Variants in MDN1 observed in about 807,000 individuals in gnomAD.
MDN1 encodes midasin.
In MDN1, 266 loss-of-function variants were observed where a neutral mutation model predicts 669.2. That is an observed-to-expected ratio of 0.40 (90% CI 0.36 to 0.44). The LOEUF (loss-of-function observed/expected upper bound fraction) is 0.44, where lower values mean the gene tolerates loss of function less well. Ranked by LOEUF, MDN1 falls within the 20% of genes least tolerant of loss-of-function variation. MDN1 has a pLI of 1.00. For synonymous variants in MDN1, 2,385 were observed against 2,457.1 expected, an observed-to-expected ratio of 0.97 and a Z score of 0.87; for missense variants, 5,940 against 6,754.0, an observed-to-expected ratio of 0.88 and a Z score of 4.22.
In MDN1 at chr6:89,685,909, C is replaced by A. The variant is rs1461014826; in HGVS notation, c.11637G>T (p.Ser3879=). 25 of 1,613,964 alleles carry A rather than the reference C, an allele frequency of 1.5e-5. No homozygotes were observed. Among genetic ancestry groups the A allele is most frequent in the Non-Finnish European group, 1.9e-5 (22 of 1,180,004 alleles). Residue 3879 remains serine, a synonymous_variant, in exon 70 of 102, where the codon TCG becomes TCT. Transcript: ENST00000369393. ...GAAGTCGCACATGGAACTCTCCCAG[C>A]GAGGATCCTTCAATAAATGCTTGTA... The part of the protein sequence containing the change: ...STLQAFIEGS[S]LGEFHVRLQM...
At chr6:89,722,587 G>A (rs925610606) in intron 40 of MDN1, among the ~76,000 whole-genome samples, 3 of 152,184 alleles carry the variant, frequency 2.0e-5, no homozygotes, top group Non-Finnish European at 4.4e-5. Context: ...GGTGGCTCAC[G>A]CCTGTAATCC....
At chr6:89,717,922 C>T (rs2128313007) in intron 43 of MDN1, among the ~76,000 whole-genome samples, 1 of 152,296 alleles carries the variant, frequency 6.6e-6, no homozygotes, top group South Asian at 2.1e-4. Context: ...AGTGGCACCA[C>T]AAAATGAGAG....
chr6:89,759,949 G>T (rs1584329629), intron 17 of MDN1, among the ~76,000 whole-genome samples: 3 of 149,454 alleles, frequency 2.0e-5, no homozygotes, highest in East Asian at 2.0e-4. Flanking sequence ...GCACACACCT[G>T]TAATCCCAGC....
At chr6:89,758,462 G>A in intron 18 of MDN1, 111 bp from the exon 19 acceptor site, 1 of 855,636 alleles carries the variant, frequency 1.2e-6, no homozygotes, top group Non-Finnish European at 1.8e-6. Context: ...TGTCTTTTCT[G>A]AAACCCCACT....
intron 18 of MDN1, 88 bp from the exon 19 acceptor site, chr6:89,758,439 C>G: frequency 9.6e-7 from 1 of 1,046,502 alleles, no homozygotes; most frequent in African/African-American, 1.6e-5. Context: ...ATGCTGGCTG[C>G]TCACACCATC....
chr6:89,699,223 A>G (rs901349730), intron 58 of MDN1, among the ~76,000 whole-genome samples, 188 bp from the exon 59 acceptor site: 13 of 152,194 alleles, frequency 8.5e-5, no homozygotes, highest in Non-Finnish European at 1.8e-4. Context: ...TTTTATTTAA[A>G]GCTGTACTAA....
intron 1 of MDN1, among the ~76,000 whole-genome samples, chr6:89,819,264 TGA>T (rs1416604344): frequency 6.6e-6 from 1 of 152,010 alleles, no homozygotes; most frequent in African/African-American, 2.4e-5. Flanking sequence ...TGCATAGGGG[TGA>T]GAGGCGATGG....
intron 88 of MDN1, among the ~76,000 whole-genome samples, chr6:89,661,180 G>C (rs1809735285): frequency 6.6e-6 from 1 of 152,188 alleles, no homozygotes; most frequent in Non-Finnish European, 1.5e-5. Context: ...CACCACCAGG[G>C]CATAGCAGTG....
At chr6:89,725,133 C>A in intron 38 of MDN1, 66 bp downstream of exon 38, 2 of 1,437,254 alleles carry the variant, frequency 1.4e-6, no homozygotes, top group Admixed American at 3.4e-5. Context: ...TCCTTAAAGG[C>A]TTCATAATAG....
chr6:89,734,692 A>AGAGG (rs1815831880), intron 33 of MDN1, among the ~76,000 whole-genome samples: 1 of 103,162 alleles, frequency 9.7e-6, no homozygotes, highest in Admixed American at 9.8e-5. Flanking sequence ...AAAAAAAACA[A>AGAGG]GAGAGAGAGA....
intron 63 of MDN1, among the ~76,000 whole-genome samples, chr6:89,691,829 C>T (rs1019722959): frequency 1.1e-4 from 16 of 152,194 alleles, no homozygotes; most frequent in African/African-American, 3.6e-4. Flanking sequence ...TTAGAATCTA[C>T]CTTAACCGGA....
At chr6:89,780,068 CA>C (rs369893122) in intron 11 of MDN1, 143 bp downstream of exon 11, 11,005 of 362,802 alleles carry the variant, frequency 0.03, no homozygotes, top group South Asian at 0.048. Context: ...GACTTCGTCT[CA>C]AAAAAAAAAA....
Position 89,783,258 on chromosome 6 carries a change from C to A in MDN1, c.1450-1666G>T, listed in dbSNP as rs150555712. On this transcript the variant is annotated intron_variant, in intron 9 of 101. Transcript: ENST00000369393. ...GCAAGGAATATTAATATTAATACCC[C>A]GGGAAAGGAATGCATTCCCGGGGGG... Among the ~76,000 whole-genome samples, 880 of 152,128 alleles carry A rather than the reference C, an allele frequency of 5.8e-3. 10 individuals are homozygous for A. Among genetic ancestry groups the A allele is most frequent in the African/African-American group, 0.02 (836 of 41,488 alleles).
intron 19 of MDN1, among the ~76,000 whole-genome samples, chr6:89,757,425 G>A (rs1436275697): frequency 6.6e-6 from 1 of 152,190 alleles, no homozygotes; most frequent in African/African-American, 2.4e-5. Context: ...CCTGAGGAAG[G>A]AAAGATTTTT....
Position 89,781,598 on chromosome 6 carries a change from A to G in MDN1, c.1450-6T>C, listed in dbSNP as rs368328446. On this transcript the variant is annotated splice_region_variant and splice_polypyrimidine_tract_variant and intron_variant, in intron 9 of 101. Transcript: ENST00000369393. Reference sequence around the variant, plus strand: ...GGATATCTGCTCTGAAGAACCTGACAGAGGGGGAAAAAAAAGAAAATTTAA... The same window carrying G: ...GGATATCTGCTCTGAAGAACCTGACGGAGGGGGAAAAAAAAGAAAATTTAA... 5.2e-6 allele frequency: 8 copies of G among 1,551,724 alleles called. No individual in the cohort carries two copies. In the African/African-American group the frequency reaches 9.7e-5, roughly 19 times the overall value.
chr6:89,696,417 T>C lies in MDN1; in HGVS notation c.9326A>G (p.Gln3109Arg). 3 of 1,614,192 alleles carry C rather than the reference T, an allele frequency of 1.9e-6. No individual in the cohort carries two copies. Among genetic ancestry groups the C allele is most frequent in the Non-Finnish European group, 2.5e-6 (3 of 1,180,026 alleles). The part of the protein sequence containing the change: ...GEWVERTQQL[Q>R]DISSMLWTNM... ...AGTCCAAAGCATCGAACTGATGTCC[T>C]GGAGCTGCTGAGTTCTCTCAACCCA... Residue 3109 changes from glutamine to arginine, a missense_variant, in exon 60 of 102, where the codon CAG (glutamine) becomes CGG (arginine). Physicochemically the swap from Gln to Arg is conservative, Grantham distance 43. This residue lies in a region of MDN1 where 2,292 missense variants were observed against 2,638.3 expected (regional missense o/e 0.87). Transcript: ENST00000369393.
At chr6:89,677,533 T>TATA (rs1422690839) in intron 76 of MDN1, 37 bp downstream of exon 76, 1 of 1,611,024 alleles carries the variant, frequency 6.2e-7, no homozygotes, top group Non-Finnish European at 8.5e-7. Context: ...TTGCTCCATT[T>TATA]ATAAGTAGGG....
Position 89,673,289 on chromosome 6 carries a change from A to G in MDN1, c.13421T>C (p.Met4474Thr), listed in dbSNP as rs1810957464. The G allele has an allele frequency of 6.2e-7, 1 of 1,614,054 alleles. No homozygotes were observed. Among genetic ancestry groups the G allele is most frequent in the Admixed American group, 1.7e-5 (1 of 60,000 alleles). The change falls in exon 80 of 102, where the codon ATG (methionine) becomes ACG (threonine). Residue 4474 changes from methionine (M) to threonine (T), a missense_variant. Met to Thr is a moderately conservative substitution (Grantham distance 81). Coordinates refer to ENST00000369393, the MANE Select transcript of MDN1 (RefSeq NM_014611.3). ...GGTCTTCCAGGTAGTAAAGTCAGCC[A>G]TGGCTTTACTAATTTCTCCTCTTAC... The part of the protein sequence containing the change: ...EYVRGEISKA[M>T]ADFTTWKTHL...
intron 51 of MDN1, 37 bp from the exon 52 acceptor site, chr6:89,707,513 C>T (rs752118463): frequency 4.8e-6 from 6 of 1,257,100 alleles, no homozygotes; most frequent in East Asian, 2.3e-5. Context: ...AAATAGCTAT[C>T]GGTTAATAAC....
Sources: allele counts gnomAD v4.1 joint callset (sites outside exome capture counted in the v4.1 genomes callset), GRCh38; gene constraint gnomAD v4.1.1; regional missense constraint gnomAD v4.1.1; transcripts MANE v1.5; gene names NCBI Gene and HGNC (gene_info 2026-07-23, HGNC 2026-07-21).